The following ROBO2 variants were observed in gnomAD, a reference collection of about 807,000 sequenced individuals.
ROBO2 encodes roundabout homolog 2.
ROBO2 carries 53 observed loss-of-function variants against 160.8 expected under a neutral mutation model. That is an observed-to-expected ratio of 0.33 (90% CI 0.26 to 0.41). The LOEUF is 0.41. Ranked by LOEUF, ROBO2 falls within the 10% of genes least tolerant of loss-of-function variation. ROBO2 has a pLI of 1.00. For synonymous variants in ROBO2, 664 were observed against 611.7 expected, an observed-to-expected ratio of 1.09 and a Z score of -1.26; for missense variants, 1,577 against 1,722.4, an observed-to-expected ratio of 0.92 and a Z score of 1.49.
intron 2 of ROBO2, among the ~76,000 whole-genome samples, chr3:76,138,293 T>TA (rs921384807): frequency 2.6e-5 from 4 of 151,818 alleles, no homozygotes; most frequent in Admixed American, 1.3e-4. Context: ...TGTGAAAAAT[T>TA]AAAAAAACAA....
intron 3 of ROBO2, 52 bp from the exon 4 acceptor site, chr3:77,481,047 T>G (rs2084629498): frequency 1.4e-6 from 2 of 1,456,462 alleles, no homozygotes; most frequent in Non-Finnish European, 1.9e-6. Context: ...CTTTATTTTC[T>G]ATTCTGTTCC....
chr3:77,030,619 C>T (rs1042842404), intron 2 of ROBO2, among the ~76,000 whole-genome samples: 3 of 152,176 alleles, frequency 2.0e-5, no homozygotes, highest in Non-Finnish European at 4.4e-5. Context: ...AGGCCATGCT[C>T]TTGAGGAAGG....
chr3:76,913,626 A>C (rs531028756), intron 2 of ROBO2, among the ~76,000 whole-genome samples: 7 of 152,320 alleles, frequency 4.6e-5, no homozygotes, highest in African/African-American at 1.7e-4. Flanking sequence ...TAAATAAATT[A>C]ATGCATTGTA....
chr3:76,163,453 T>C (rs1277487116), intron 2 of ROBO2, among the ~76,000 whole-genome samples: 1 of 150,196 alleles, frequency 6.7e-6, no homozygotes, highest in African/African-American at 2.4e-5. Flanking sequence ...TATGGATATT[T>C]GCATATGCAA....
At chr3:76,455,472 A>G (rs1179530803) in intron 2 of ROBO2, among the ~76,000 whole-genome samples, 1 of 152,158 alleles carries the variant, frequency 6.6e-6, no homozygotes, top group Admixed American at 6.6e-5. Flanking sequence ...GTAAAATAAT[A>G]AAATGTATTT....
At chr3:76,937,750 T>C (rs555009988) in intron 2 of ROBO2, among the ~76,000 whole-genome samples, 2 of 152,164 alleles carry the variant, frequency 1.3e-5, no homozygotes, top group South Asian at 4.1e-4. Flanking sequence ...TGCATATCCA[T>C]GTAATAAATT....
intron 6 of ROBO2, among the ~76,000 whole-genome samples, chr3:77,535,980 C>G (rs1027515508): frequency 2.0e-5 from 3 of 152,034 alleles, no homozygotes; most frequent in African/African-American, 7.2e-5. Context: ...TGTGAGTAAA[C>G]TATTACTATT....
At chr3:76,207,250 A>G (rs1268611364) in intron 2 of ROBO2, among the ~76,000 whole-genome samples, 7 of 152,184 alleles carry the variant, frequency 4.6e-5, no homozygotes, top group African/African-American at 1.7e-4. Flanking sequence ...AAAATTTTAA[A>G]TAAATACTGT....
At chr3:77,449,610 A>C (rs1010652822) in intron 2 of ROBO2, among the ~76,000 whole-genome samples, 1 of 152,106 alleles carries the variant, frequency 6.6e-6, no homozygotes, top group Non-Finnish European at 1.5e-5. Flanking sequence ...TAAAACCAAC[A>C]ATTTTATGCA....
chr3:76,273,828 G>C (rs1205437583), intron 2 of ROBO2, among the ~76,000 whole-genome samples: 1 of 152,044 alleles, frequency 6.6e-6, no homozygotes, highest in Admixed American at 6.6e-5. Context: ...ATTTGGGTGG[G>C]GACACCACAA....
chr3:77,206,606 A>G (rs1375354523), intron 2 of ROBO2, among the ~76,000 whole-genome samples: 1 of 152,134 alleles, frequency 6.6e-6, no homozygotes, highest in Non-Finnish European at 1.5e-5. Context: ...TAGAATTTCA[A>G]TATATCTTTT....
chr3:77,053,470 G>A (rs1169330222), intron 1 of ROBO2, among the ~76,000 whole-genome samples: 2 of 152,120 alleles, frequency 1.3e-5, no homozygotes, highest in Non-Finnish European at 2.9e-5. Flanking sequence ...CCTGTCATCT[G>A]TTTTCACTCT....
At chr3:76,443,670 A>G (rs148757270) in intron 2 of ROBO2, among the ~76,000 whole-genome samples, 8 of 152,026 alleles carry the variant, frequency 5.3e-5, no homozygotes, top group African/African-American at 1.7e-4. Flanking sequence ...CTTCAGTCCA[A>G]TTTTTTTTAG....
At chr3:77,429,558 C>G (rs960206632) in intron 2 of ROBO2, among the ~76,000 whole-genome samples, 3 of 150,420 alleles carry the variant, frequency 2.0e-5, no homozygotes, top group African/African-American at 7.3e-5. Flanking sequence ...GTCCATGGAT[C>G]TTTGGGTTGT....
At chr3:77,064,918 G>C (rs1384478260) in intron 1 of ROBO2, among the ~76,000 whole-genome samples, 2 of 152,112 alleles carry the variant, frequency 1.3e-5, no homozygotes, top group African/African-American at 4.8e-5. Context: ...GAATATGGAG[G>C]TCTTGATAGC....
At chr3:76,048,537 T>A (rs537637026) in intron 2 of ROBO2, among the ~76,000 whole-genome samples, 1 of 152,328 alleles carries the variant, frequency 6.6e-6, no homozygotes, top group South Asian at 2.1e-4. Context: ...TTTTTGATCA[T>A]ATGAATGATA....
At chr3:77,373,055 A>G (rs1004652863) in intron 2 of ROBO2, among the ~76,000 whole-genome samples, 1 of 147,814 alleles carries the variant, frequency 6.8e-6, no homozygotes, top group African/African-American at 2.4e-5. Context: ...AATAAAATAA[A>G]TTTTATAATA....
intron 2 of ROBO2, among the ~76,000 whole-genome samples, chr3:77,185,194 C>T (rs2081170282): frequency 6.6e-6 from 1 of 151,928 alleles, no homozygotes; most frequent in African/African-American, 2.4e-5. Context: ...AAGATAATGA[C>T]TTCATTTGGT....
At chr3:77,572,834 A>G (rs372851031) in intron 13 of ROBO2, among the ~76,000 whole-genome samples, 2 of 152,188 alleles carry the variant, frequency 1.3e-5, no homozygotes, top group South Asian at 2.1e-4. Context: ...ACTGCAACTA[A>G]AGAAGGGATA....
Sources: allele counts gnomAD v4.1 joint callset (sites outside exome capture counted in the v4.1 genomes callset), GRCh38; gene constraint gnomAD v4.1.1; transcripts MANE v1.5; gene names NCBI Gene and HGNC (gene_info 2026-07-23, HGNC 2026-07-21).